GSDMB: variants seen among roughly 807,000 people sequenced by gnomAD.
GSDMB encodes gasdermin-B.
A neutral mutation model predicts 42.9 loss-of-function variants in GSDMB; 32 were observed. The ratio of observed to expected loss-of-function variants is 0.75; its 90% CI spans 0.56 to 1.00. The LOEUF is 1.00. Ranked by LOEUF, GSDMB falls within the 50% of genes least tolerant of loss-of-function variation. The pLI is 0.00. For missense variants in GSDMB, 468 were observed against 498.5 expected (o/e 0.94, Z 0.58); for synonymous variants, 175 against 193.7 (o/e 0.90, Z 0.80).
At position 39,904,955 on chromosome 17, in the gene GSDMB, C is replaced by G; in HGVS notation, c.1108G>C (p.Val370Leu). ...LPLLKDQVKS[V>L]MEQNWDELAS... ...AGCTCATCCCAGTTCTGCTCCATGA[C>G]AGATTTCACCTGGAAGGAAACCCCC... Residue 370 changes from valine to leucine, a missense_variant, in exon 11 of 11, where the codon GTC becomes CTC. Transcript: ENST00000418519. 6.2e-7 allele frequency: 1 copy of G among 1,613,452 alleles called. No individual in the cohort carries two copies. Among genetic ancestry groups the G allele is most frequent in the South Asian group, 1.1e-5 (1 of 90,990 alleles).
intron 4 of GSDMB, 90 bp from the exon 5 acceptor site, chr17:39,909,132 T>C (rs2144685745): frequency 1.4e-6 from 1 of 732,482 alleles, no homozygotes; most frequent in East Asian, 2.9e-5. Context: ...GAGGCAGTCA[T>C]TTGTATCCCC....
At chr17:39,912,678 G>A (rs1336107595) in intron 2 of GSDMB, among the ~76,000 whole-genome samples, 181 bp from the exon 3 acceptor site, 1 of 152,158 alleles carries the variant, frequency 6.6e-6, no homozygotes, top group Non-Finnish European at 1.5e-5. Flanking sequence ...AGTTACCTTG[G>A]GGTCACAGGA....
rs746853116 is a variant in GSDMB at position 39,906,125 on chromosome 17, C to G, written c.874G>C (p.Asp292His). ...GGGTCCCTTACTCTTTGCTCTAGAT[C>G]CTGCCGAATATCCTCCTTGCCGAGG... ...KCLGKEDIRQDLEQRVSEVLI... is the reference protein window; with the variant it reads ...KCLGKEDIRQHLEQRVSEVLI... Residue 292 changes from aspartate to histidine, a missense_variant, in exon 8 of 11, where the codon GAT becomes CAT. Transcript: ENST00000418519. 6 of 1,614,188 alleles carry G rather than the reference C, an allele frequency of 3.7e-6. No individual in the cohort carries two copies. The highest frequency in any genetic ancestry group is 1.7e-6 in the Non-Finnish European group (2 of 1,180,038).
chr17:39,911,853 A>C (rs2063614940), intron 3 of GSDMB, among the ~76,000 whole-genome samples: 1 of 151,680 alleles, frequency 6.6e-6, no homozygotes, highest in African/African-American at 2.4e-5. Flanking sequence ...CTCTTAAACC[A>C]CCAGGTTTGG....
intron 2 of GSDMB, among the ~76,000 whole-genome samples, chr17:39,913,852 T>G (rs1029530278): frequency 1.3e-5 from 2 of 152,092 alleles, no homozygotes; most frequent in African/African-American, 2.4e-5. Context: ...GAGGGAGAGC[T>G]CCCACTGCTA....
At chr17:39,916,532 C>T (rs914534390) in intron 2 of GSDMB, among the ~76,000 whole-genome samples, 2 of 151,778 alleles carry the variant, frequency 1.3e-5, no homozygotes, top group African/African-American at 2.4e-5. Context: ...CCTCGTGATC[C>T]GCCCACCTCG....
intron 5 of GSDMB, 53 bp downstream of exon 5, chr17:39,908,905 C>T (rs2063555685): frequency 2.7e-6 from 3 of 1,127,798 alleles, no homozygotes; most frequent in South Asian, 1.3e-5. Flanking sequence ...CACCCCCCAC[C>T]TCACTGGTGT....
rs12450091 is a variant in GSDMB, at chr17:39,912,368, T to C, written c.365A>G (p.Glu122Gly). ...CAGATACTGCTGGGATATCCGGTTCTCCGATATCTTGATTTTCTGATGGTG... is the reference window on the plus strand; with the variant it reads ...CAGATACTGCTGGGATATCCGGTTCCCCGATATCTTGATTTTCTGATGGTG... ...GFHHQKIKISENRISQQYLAT... is the reference protein window; with the variant it reads ...GFHHQKIKISGNRISQQYLAT... Residue 122 changes from glutamate to glycine, a missense_variant, in exon 3 of 11, where the codon GAG becomes GGG. Coordinates refer to ENST00000418519, the MANE Select transcript of GSDMB (RefSeq NM_001165958.2). 0.011 allele frequency: 17,091 copies of C among 1,613,942 alleles called. 2,011 individuals are homozygous for C. In the Admixed American group the frequency reaches 0.22, roughly 21 times the overall value.
intron 8 of GSDMB, 36 bp downstream of exon 8, chr17:39,906,075 C>G: frequency 1.2e-6 from 2 of 1,610,172 alleles, no homozygotes; most frequent in Non-Finnish European, 1.7e-6. Flanking sequence ...TGGCTCCTAT[C>G]TCTCTCTGCC....
At chr17:39,908,807 T>C in intron 5 of GSDMB, 151 bp downstream of exon 5, 2 of 665,112 alleles carry the variant, frequency 3.0e-6, no homozygotes, top group South Asian at 3.7e-5. Flanking sequence ...TCCTTCCTAG[T>C]GCTGAACCCA....
chr17:39,909,758 T>C lies in GSDMB; in HGVS notation c.574A>G (p.Lys192Glu), dbSNP rs762711552. The C allele has an allele frequency of 1.9e-6, 3 of 1,613,422 alleles. No homozygotes were observed. Among genetic ancestry groups the C allele is most frequent in the Non-Finnish European group, 2.5e-6 (3 of 1,179,750 alleles). The change falls in exon 4 of 11, where the codon AAG becomes GAG. Residue 192 changes from lysine to glutamate, a missense_variant and splice_region_variant. Physicochemically the swap from Lys to Glu is moderately conservative, Grantham distance 56. Coordinates refer to ENST00000418519, the MANE Select transcript of GSDMB (RefSeq NM_001165958.2). Reference protein sequence around the residue: ...ISQGHLSYKHKGQREVTIPPN... With the variant: ...ISQGHLSYKHEGQREVTIPPN... ...TCCCTGCCTCCCAGGATCCTAACCT[T>C]GTGTTTATAGCTGAGATGGCCCTGA... is the stretch of plus-strand genomic sequence containing the variant.
intron 1 of GSDMB, chr17:39,917,577 T>G: frequency 7.6e-6 from 3 of 393,270 alleles, no homozygotes; most frequent in Admixed American, 4.2e-5. Context: ...TGATACAATA[T>G]AGTCTCCCCG....
chr17:39,914,648 A>C (rs563880480), intron 2 of GSDMB, among the ~76,000 whole-genome samples: 1 of 151,298 alleles, frequency 6.6e-6, no homozygotes, highest in South Asian at 2.1e-4. Flanking sequence ...CTATAATCCC[A>C]GCTACTCGGG....
At chr17:39,905,684 C>T (rs1335469103) in intron 9 of GSDMB, among the ~76,000 whole-genome samples, 163 bp downstream of exon 9, 3 of 152,026 alleles carry the variant, frequency 2.0e-5, no homozygotes, top group Non-Finnish European at 2.9e-5. Flanking sequence ...GAGTCACAGA[C>T]GAGGAACCAG....
chr17:39,912,252 T>G (rs1426492369), intron 3 of GSDMB, 74 bp downstream of exon 3: 6 of 1,020,914 alleles, frequency 5.9e-6, no homozygotes, highest in Non-Finnish European at 8.8e-6. Flanking sequence ...AGAGCCGGTC[T>G]GCCACCCTTG....
At position 39,917,117 on chromosome 17, in the gene GSDMB, T is replaced by C; in HGVS notation, c.200A>G (p.Asp67Gly). The stretch of plus-strand genomic sequence containing the variant: ...AGAATCCAGTTCATCTAACCACTTG[T>C]CCCCATCTGTGTCCAGAATGTCCAT... ...TLMDILDTDG[D>G]KWLDELDSGL... Residue 67 changes from aspartate to glycine, a missense_variant, in exon 2 of 11, where the codon GAC (aspartate) becomes GGC (glycine). Asp to Gly is a moderately conservative substitution (Grantham distance 94, BLOSUM62 -1). Coordinates refer to ENST00000418519, the MANE Select transcript of GSDMB (RefSeq NM_001165958.2). The C allele has an allele frequency of 6.2e-7, 1 of 1,614,092 alleles. No individual in the cohort carries two copies. Among genetic ancestry groups the C allele is most frequent in the Non-Finnish European group, 8.5e-7 (1 of 1,179,960 alleles).
At chr17:39,910,358 T>A (rs570441485) in intron 3 of GSDMB, among the ~76,000 whole-genome samples, 2 of 152,246 alleles carry the variant, frequency 1.3e-5, no homozygotes, top group East Asian at 3.9e-4. Flanking sequence ...GGGGCAAGAA[T>A]TCACCAGCAT....
intron 3 of GSDMB, among the ~76,000 whole-genome samples, 180 bp downstream of exon 3, chr17:39,912,146 G>C (rs2063621809): frequency 6.6e-6 from 1 of 152,054 alleles, no homozygotes; most frequent in Admixed American, 6.5e-5. Flanking sequence ...AGGGAATCCT[G>C]GAAGTAGAGA....
rs553825990 is a variant in GSDMB, at chr17:39,908,089, G to A, written c.700+87C>T. The stretch of plus-strand genomic sequence containing the variant: ...GTGGGTGCGTCTTACCACATCCTCG[G>A]ACCTAACCACTCTGTAATTCCATTT... On this transcript the variant is annotated intron_variant, in intron 6 of 10. Transcript: ENST00000418519. 2.3e-4 allele frequency: 183 copies of A among 811,050 alleles called. 1 individual carries two copies. In the South Asian group the frequency reaches 2.6e-3, roughly 11 times the overall value. 50.2% of individuals were successfully genotyped at this position (811,050 alleles called of 1,614,324 possible). A position where few individuals can be genotyped will look rare whatever the true frequency, so the allele number is the denominator to read the frequency against.
Sources: gnomAD v4.1 joint callset for allele counts (sites outside exome capture counted in the v4.1 genomes callset) on GRCh38, gnomAD v4.1.1 for gene constraint, MANE v1.5 for transcripts, NCBI Gene and HGNC (gene_info 2026-07-23, HGNC 2026-07-21) for gene names.